GALNT13: variants seen among roughly 807,000 people sequenced by gnomAD.
The protein encoded by GALNT13 is polypeptide N-acetylgalactosaminyltransferase 13, also known as UDP-GalNAc:polypeptide N-acetylgalactosaminyltransferase 13.
A neutral mutation model predicts 64.2 loss-of-function variants in GALNT13; 28 were observed. The ratio of observed to expected loss-of-function variants is 0.44; its 90% CI spans 0.32 to 0.60. The LOEUF (loss-of-function observed/expected upper bound fraction) is 0.60. Ranked by LOEUF, GALNT13 falls within the 20% of genes least tolerant of loss-of-function variation. The pLI, the probability that GALNT13 is intolerant of heterozygous loss-of-function variation, is 0.05. For missense variants in GALNT13, 577 were observed against 669.8 expected, an observed-to-expected ratio of 0.86 and a Z score of 1.53; for synonymous variants, 214 against 224.6, an observed-to-expected ratio of 0.95 and a Z score of 0.42.
intron 3 of GALNT13, among the ~76,000 whole-genome samples, chr2:154,088,843 T>G (rs1217224896): frequency 2.6e-5 from 4 of 152,156 alleles, no homozygotes; most frequent in Non-Finnish European, 1.5e-5. Context: ...TGATACCAAT[T>G]GCCAGCTGAT....
chr2:153,519,383 A>C, the GALNT13 span, among the ~76,000 whole-genome samples: 24 of 152,336 alleles, frequency 1.6e-4, no homozygotes, highest in African/African-American at 5.5e-4. Context: ...TAAAAGGATC[A>C]GGAAGAGTCT....
chr2:153,608,752 T>C, the GALNT13 span, among the ~76,000 whole-genome samples: 1 of 147,764 alleles, frequency 6.8e-6, no homozygotes, highest in African/African-American at 2.5e-5. Context: ...TATGTTTTTA[T>C]AAGTAAATAA....
At chr2:153,565,595 G>T in the GALNT13 span, among the ~76,000 whole-genome samples, 4 of 152,074 alleles carry the variant, frequency 2.6e-5, no homozygotes, top group African/African-American at 9.7e-5. Flanking sequence ...AAGACAATGT[G>T]TTATGAAACC....
chr2:153,954,970 A>G (rs1470327908), intron 3 of GALNT13, among the ~76,000 whole-genome samples: 1 of 152,094 alleles, frequency 6.6e-6, no homozygotes, highest in East Asian at 1.9e-4. Flanking sequence ...GGATGTAGAA[A>G]GAGGTGGCCA....
At chr2:154,418,251 C>T (rs1240575785) in intron 11 of GALNT13, among the ~76,000 whole-genome samples, 3 of 152,132 alleles carry the variant, frequency 2.0e-5, no homozygotes, top group Non-Finnish European at 4.4e-5. Flanking sequence ...AATTGTTCCT[C>T]TAGAAATGTG....
At chr2:153,702,075 CAACTT>C in the GALNT13 span, among the ~76,000 whole-genome samples, 14 of 152,186 alleles carry the variant, frequency 9.2e-5, no homozygotes, top group South Asian at 1.0e-3. Context: ...GACATGGAAA[CAACTT>C]AAATGCCCAT....
intron 3 of GALNT13, among the ~76,000 whole-genome samples, chr2:154,099,964 G>A (rs558264593): frequency 6.6e-6 from 1 of 152,032 alleles, no homozygotes; most frequent in Non-Finnish European, 1.5e-5. Flanking sequence ...AATTGAGAAG[G>A]GAGTTTTTGC....
intron 9 of GALNT13, among the ~76,000 whole-genome samples, chr2:154,302,029 C>T (rs550837940): frequency 2.0e-5 from 3 of 151,794 alleles, no homozygotes; most frequent in African/African-American, 7.2e-5. Context: ...ATGAGTAAAA[C>T]GTTTTCATAC....
the GALNT13 span, among the ~76,000 whole-genome samples, chr2:153,854,089 T>G: frequency 6.6e-6 from 1 of 151,812 alleles, no homozygotes; most frequent in Non-Finnish European, 1.5e-5. Flanking sequence ...ATGTAAGCGT[T>G]GTAAAGAAAC....
the GALNT13 span, among the ~76,000 whole-genome samples, chr2:153,403,873 A>C: frequency 2.0e-5 from 3 of 152,328 alleles, no homozygotes; most frequent in African/African-American, 2.4e-5. Flanking sequence ...ATGGAAATGC[A>C]GAAATCACCC....
intron 1 of GALNT13, among the ~76,000 whole-genome samples, chr2:153,899,796 G>A (rs1310898875): frequency 6.6e-6 from 1 of 151,804 alleles, no homozygotes; most frequent in Non-Finnish European, 1.5e-5. Context: ...TCTGTTTGTT[G>A]CTGAGAACTT....
intron 8 of GALNT13, among the ~76,000 whole-genome samples, chr2:154,279,914 T>G (rs1473972827): frequency 6.6e-6 from 1 of 152,138 alleles, no homozygotes. Context: ...GTGTTTCACA[T>G]TGGTTCTTGC....
At chr2:154,235,502 T>C (rs1559040839) in intron 4 of GALNT13, among the ~76,000 whole-genome samples, 1 of 152,190 alleles carries the variant, frequency 6.6e-6, no homozygotes, top group Non-Finnish European at 1.5e-5. Flanking sequence ...TCTCTGAATA[T>C]GAATGTTAAT....
the GALNT13 span, among the ~76,000 whole-genome samples, chr2:153,248,282 T>A: frequency 2.0e-5 from 3 of 152,100 alleles, no homozygotes; most frequent in African/African-American, 7.2e-5. Context: ...TAGGCCAACA[T>A]CCCTGATGAA....
the GALNT13 span, among the ~76,000 whole-genome samples, chr2:153,269,697 G>C: frequency 6.7e-6 from 1 of 148,410 alleles, no homozygotes; most frequent in Non-Finnish European, 1.5e-5. Context: ...TACTACCTGA[G>C]ACTGGGTAAT....
intron 8 of GALNT13, among the ~76,000 whole-genome samples, chr2:154,300,404 G>A (rs759635115): frequency 1.3e-5 from 2 of 151,968 alleles, no homozygotes; most frequent in African/African-American, 4.8e-5. Context: ...CACCTGGCCA[G>A]AAATGGCCAG....
chr2:153,846,074 A>T, the GALNT13 span, among the ~76,000 whole-genome samples: 1 of 152,308 alleles, frequency 6.6e-6, no homozygotes, highest in South Asian at 2.1e-4. Context: ...TTAGCAAATA[A>T]GCAGTAAACA....
At chr2:153,827,476 T>C in the GALNT13 span, among the ~76,000 whole-genome samples, 1 of 151,930 alleles carries the variant, frequency 6.6e-6, no homozygotes, top group African/African-American at 2.4e-5. Context: ...ACAAAAAAAA[T>C]TAGCTGGTCG....
chr2:153,766,136 A>G, the GALNT13 span, among the ~76,000 whole-genome samples: 1 of 151,346 alleles, frequency 6.6e-6, no homozygotes, highest in Non-Finnish European at 1.5e-5. Context: ...TAAAATATTC[A>G]TGGTTGGCAT....
Sources: allele counts gnomAD v4.1 joint callset (sites outside exome capture counted in the v4.1 genomes callset), GRCh38; gene constraint gnomAD v4.1.1; transcripts MANE v1.5; gene names NCBI Gene and HGNC (gene_info 2026-07-23, HGNC 2026-07-21).